The following QTGAL variants were observed in gnomAD, a reference collection of about 807,000 sequenced individuals.
QTGAL encodes the protein BGnT-like protein 1.
At chr17:83,034,001 C>T in the QTGAL span, among the ~76,000 whole-genome samples, 22 of 152,056 alleles carry the variant, frequency 1.4e-4, no homozygotes, top group East Asian at 9.7e-4. Flanking sequence ...AGTGCAATGG[C>T]GCAATCTTGG....
chr17:83,015,179 C>T, the QTGAL span, among the ~76,000 whole-genome samples: 36 of 143,756 alleles, frequency 2.5e-4, no homozygotes, highest in Non-Finnish European at 3.9e-4. The surrounding 1 kb of genome is among the most constrained non-coding windows in gnomAD (Gnocchi z 4.4). Context: ...TGAGGACCTG[C>T]CACCACTGTG....
the QTGAL span, among the ~76,000 whole-genome samples, chr17:82,980,194 C>A: frequency 6.6e-6 from 1 of 152,166 alleles, no homozygotes; most frequent in Non-Finnish European, 1.5e-5. Context: ...TAAAAAAATA[C>A]ATCAAAAAAT....
chr17:83,031,070 A>G, the QTGAL span, among the ~76,000 whole-genome samples: 3 of 152,252 alleles, frequency 2.0e-5, no homozygotes, highest in Non-Finnish European at 4.4e-5. Context: ...TGAGCTATTT[A>G]GAGGCTATTT....
At chr17:83,016,981 C>G in the QTGAL span, among the ~76,000 whole-genome samples, 1 of 152,216 alleles carries the variant, frequency 6.6e-6, no homozygotes, top group South Asian at 2.1e-4. Flanking sequence ...GGCTAAATGT[C>G]CTGTGGGAAA....
the QTGAL span, among the ~76,000 whole-genome samples, chr17:83,013,326 G>A: frequency 6.0e-5 from 9 of 150,476 alleles, no homozygotes; most frequent in Non-Finnish European, 1.0e-4. Context: ...GCAAACCTCC[G>A]TGCAGCCGGC....
chr17:82,998,330 A>G, the QTGAL span, among the ~76,000 whole-genome samples: 2 of 152,200 alleles, frequency 1.3e-5, no homozygotes, highest in African/African-American at 4.8e-5. Context: ...GAATTTCATC[A>G]AAAATTACAA....
the QTGAL span, among the ~76,000 whole-genome samples, chr17:82,979,954 C>T: frequency 1.6e-3 from 239 of 152,268 alleles, 1 homozygote; most frequent in Non-Finnish European, 1.7e-3. Flanking sequence ...TTTGACAAGG[C>T]CCAGAAGCAA....
chr17:82,959,419 A>G, the QTGAL span, among the ~76,000 whole-genome samples: 21 of 151,420 alleles, frequency 1.4e-4, no homozygotes, highest in Admixed American at 2.0e-4. Context: ...ACTTTCGTGC[A>G]CGTATGTGTG....
the QTGAL span, among the ~76,000 whole-genome samples, chr17:82,999,550 A>G: frequency 1.3e-5 from 2 of 152,242 alleles, no homozygotes; most frequent in Non-Finnish European, 2.9e-5. Flanking sequence ...CGATAACATC[A>G]ACGGTCGGTT....
chr17:82,958,019 TGCTGCTCTGCCCAGCGCCCAGCCCCATC>T, the QTGAL span, among the ~76,000 whole-genome samples: 1 of 152,006 alleles, frequency 6.6e-6, no homozygotes, highest in South Asian at 2.1e-4. Flanking sequence ...TCCCATGACC[TGCTGCTCTGCCCAGCGCCCAGCCCCATC>T]GCTGCCCGGG....
the QTGAL span, chr17:83,005,197 C>A: frequency 6.2e-7 from 1 of 1,607,692 alleles, no homozygotes; most frequent in Non-Finnish European, 8.5e-7. The surrounding 1 kb of genome is among the most constrained non-coding windows in gnomAD (Gnocchi z 5.6). Flanking sequence ...TCTCCTCACT[C>A]TGCAACCAAT....
At chr17:83,022,199 T>G in the QTGAL span, among the ~76,000 whole-genome samples, 1 of 152,236 alleles carries the variant, frequency 6.6e-6, no homozygotes. Context: ...AAATGGTCAT[T>G]ATCAAAATTT....
chr17:83,051,755 C>G, the QTGAL span: 1 of 1,498,074 alleles, frequency 6.7e-7, no homozygotes, highest in South Asian at 1.3e-5. Flanking sequence ...CCTGCATGGC[C>G]TGGCTCTCCT....
chr17:82,966,349 C>T, the QTGAL span, among the ~76,000 whole-genome samples: 1 of 152,174 alleles, frequency 6.6e-6, no homozygotes, highest in Non-Finnish European at 1.5e-5. Flanking sequence ...GCCATCATGC[C>T]TGGCTCAACG....
At chr17:82,945,332 A>G in the QTGAL span, 17,014 of 152,296 alleles carry the variant, frequency 0.11, 1,159 homozygotes, top group South Asian at 0.26. Flanking sequence ...ATGAAATGAA[A>G]TGATGCAGAT....
chr17:82,943,276 C>T, the QTGAL span: 578 of 152,390 alleles, frequency 3.8e-3, 7 homozygotes, highest in Non-Finnish European at 3.2e-3. Flanking sequence ...TGTCTGAGCT[C>T]GTGCTGATCC....
the QTGAL span, among the ~76,000 whole-genome samples, chr17:82,995,107 C>G: frequency 6.6e-6 from 1 of 152,104 alleles, no homozygotes; most frequent in Non-Finnish European, 1.5e-5. Flanking sequence ...AAACTGAAAG[C>G]CTTTCCTCTG....
chr17:83,005,856 C>T, the QTGAL span: 67 of 1,363,096 alleles, frequency 4.9e-5, no homozygotes, highest in South Asian at 9.7e-5. This position sits in a 1 kb window ranked among gnomAD's most constrained non-coding sequence, Gnocchi z 5.6. Context: ...CCCCGCCCTC[C>T]GCCCTGCCCG....
At chr17:83,029,276 G>A in the QTGAL span, among the ~76,000 whole-genome samples, 12 of 152,150 alleles carry the variant, frequency 7.9e-5, no homozygotes, top group East Asian at 3.8e-4. Context: ...ATGCAACAAC[G>A]CGGATGGACC....
Sources: allele counts gnomAD v4.1 joint callset (sites outside exome capture counted in the v4.1 genomes callset), GRCh38; gene constraint gnomAD v4.1.1; non-coding constraint Gnocchi (gnomAD v3.1); transcripts MANE v1.5; gene names NCBI Gene and HGNC (gene_info 2026-07-23, HGNC 2026-07-21).